NCOA7: variants seen among roughly 807,000 people sequenced by gnomAD.
NCOA7 encodes nuclear receptor coactivator 7, also known as 140 kDa estrogen receptor-associated protein.
In NCOA7, 45 loss-of-function variants were observed where a neutral mutation model predicts 104.3. The ratio of observed to expected loss-of-function variants is 0.43; its 90% CI spans 0.34 to 0.55. NCOA7 has a LOEUF of 0.55. Ranked by LOEUF, NCOA7 falls within the 20% of genes least tolerant of loss-of-function variation. The pLI is 0.02. For synonymous variants in NCOA7, 398 were observed against 402.3 expected, an observed-to-expected ratio of 0.99 and a Z score of 0.13; for missense variants, 1,041 against 1,119.7, an observed-to-expected ratio of 0.93 and a Z score of 1.00.
chr6:125,921,960 A>T (rs1787625099), intron 12 of NCOA7, among the ~76,000 whole-genome samples: 1 of 152,170 alleles, frequency 6.6e-6, no homozygotes, highest in Non-Finnish European at 1.5e-5. Flanking sequence ...AATTTTAGAG[A>T]CCTTAAATAA....
chr6:125,912,899 GT>G (rs1403933480), intron 10 of NCOA7, among the ~76,000 whole-genome samples: 5 of 152,272 alleles, frequency 3.3e-5, no homozygotes, highest in African/African-American at 4.8e-5. Context: ...GGGGCTTGGG[GT>G]AGACAGGGAT....
At chr6:125,805,244 C>T (rs1255405444) in intron 1 of NCOA7, among the ~76,000 whole-genome samples, 1 of 151,666 alleles carries the variant, frequency 6.6e-6, no homozygotes, top group Non-Finnish European at 1.5e-5. Context: ...TACAGGAATG[C>T]GCCATCATGC....
At chr6:125,786,192 T>G (rs1774455156), upstream of NCOA7, 1 of 152,176 alleles carries the variant, frequency 6.6e-6, no homozygotes, top group Non-Finnish European at 1.5e-5. Context: ...TTGCCTCCTG[T>G]GTCCCAACCG....
rs1031747854 is a variant in NCOA7 at position 125,795,382 on chromosome 6, C to T, written c.-65+4315C>T. On this transcript the variant is annotated intron_variant, in intron 1 of 15. Coordinates refer to ENST00000392477, the MANE Select transcript of NCOA7 (RefSeq NM_181782.5). ...TAGTATCCTCATGGTTCAAAAGGTA[C>T]GCATGGCTCTAGAGTGAAAGTACTC... Among the ~76,000 whole-genome samples, 5 of 152,110 alleles carry T rather than the reference C, an allele frequency of 3.3e-5. No individual in the cohort carries two copies. The East Asian group carries it at 5.8e-4, about 18-fold the overall frequency.
chr6:125,900,047 T>G (rs779397250), intron 10 of NCOA7: 1 of 533,004 alleles, frequency 1.9e-6, no homozygotes, highest in African/African-American at 1.9e-5. Flanking sequence ...CAGTAATGAT[T>G]GCAAACCTAA....
Position 125,814,394 on chromosome 6 carries a change from G to T in NCOA7, c.-64-897G>T, listed in dbSNP as rs536019461. On this transcript the variant is annotated intron_variant, in intron 1 of 15. Transcript: ENST00000392477. ...CGGTCTCAAACTACCAATCTCAAGT[G>T]TTCTGCCTGCCTCGGCCTCCCAAAG... 5.9e-5 allele frequency among the ~76,000 whole-genome samples: 9 copies of T among 152,324 alleles called. No homozygotes were observed. The South Asian group carries it at 1.9e-3, about 32-fold the overall frequency.
rs143794452 is a variant in NCOA7, at chr6:125,894,822, A to T, written c.2096+4012A>T. Among the ~76,000 whole-genome samples, 12 of 152,206 alleles carry T rather than the reference A, an allele frequency of 7.9e-5. No individual in the cohort carries two copies. In the East Asian group the frequency reaches 2.3e-3, roughly 29 times the overall value. On this transcript the variant is annotated intron_variant, in intron 10 of 15. Transcript: ENST00000392477. ...GGGTTAAAATATTTAAAAATTTAAA[A>T]ATGTAGATGATTGTAAGCATTAAGT...
upstream of NCOA7, among the ~76,000 whole-genome samples, chr6:125,788,019 G>A (rs1465262249): frequency 6.6e-6 from 1 of 152,184 alleles, no homozygotes; most frequent in Non-Finnish European, 1.5e-5. Flanking sequence ...TCTGAAGCCA[G>A]AGCCTGAATT....
At chr6:125,813,320 C>T (rs973767813) in intron 1 of NCOA7, among the ~76,000 whole-genome samples, 6 of 152,132 alleles carry the variant, frequency 3.9e-5, no homozygotes, top group Non-Finnish European at 7.3e-5. Context: ...CAAGGCTTTC[C>T]GTGACCCAGA....
intron 13 of NCOA7, 79 bp from the exon 14 acceptor site, chr6:125,927,584 G>A (rs1406224560): frequency 4.8e-6 from 5 of 1,042,876 alleles, no homozygotes; most frequent in Non-Finnish European, 7.5e-6. Flanking sequence ...AGAACATGAT[G>A]TATCAAAAAT....
intron 2 of NCOA7, among the ~76,000 whole-genome samples, chr6:125,824,517 A>G (rs772502470): frequency 6.6e-6 from 1 of 152,224 alleles, no homozygotes; most frequent in Admixed American, 6.5e-5. Context: ...AAAAATAAGC[A>G]CTAAATAATT....
In NCOA7 at chr6:125,890,668, A is replaced by G. The variant is rs1484293301; in HGVS notation, c.1954A>G (p.Ser652Gly). 6.2e-7 allele frequency: 1 copy of G among 1,612,976 alleles called. No individual in the cohort carries two copies. The highest frequency in any genetic ancestry group is 2.2e-5 in the East Asian group (1 of 44,786). The change falls in exon 10 of 16, where the codon AGC becomes GGC. Residue 652 changes from serine to glycine, a missense_variant. Transcript: ENST00000392477. ...TATACTTCCTTCAAAAGAAGAAAAA[A>G]GCAAGACCCCACCCATGTTCCTGTG... ...EDILPSKEEK[S>G]KTPPMFLCIK...
intron 1 of NCOA7, among the ~76,000 whole-genome samples, chr6:125,812,759 C>G (rs756948083): frequency 6.6e-6 from 1 of 152,216 alleles, no homozygotes; most frequent in Non-Finnish European, 1.5e-5. Flanking sequence ...GCTCCCCTGT[C>G]CTACATGCAG....
upstream of NCOA7, among the ~76,000 whole-genome samples, chr6:125,788,800 C>T (rs186271363): frequency 1.4e-3 from 209 of 151,732 alleles, no homozygotes; most frequent in African/African-American, 4.7e-3. Flanking sequence ...CCTCGGCCTC[C>T]CAAAGTGCTG....
In NCOA7 at chr6:125,901,238, A is replaced by C. The variant is rs147740826; in HGVS notation, c.2096+10428A>C. Reference sequence around the variant, plus strand: ...GTATGTTTTTAATGTAATAGCTATTAAATTGTTTAATGGTTCCTGCTTATC... The same window carrying C: ...GTATGTTTTTAATGTAATAGCTATTCAATTGTTTAATGGTTCCTGCTTATC... On this transcript the variant is annotated intron_variant, in intron 10 of 15. Coordinates refer to ENST00000392477, the MANE Select transcript of NCOA7 (RefSeq NM_181782.5). 3.9e-5 allele frequency among the ~76,000 whole-genome samples: 6 copies of C among 152,308 alleles called. No homozygotes were observed. In the East Asian group the frequency reaches 9.6e-4, roughly 24 times the overall value.
rs138600269 is a variant in NCOA7, at chr6:125,921,040, C to T, written c.2342C>T (p.Ala781Val). Reference protein sequence around the residue: ...EVLPVLRPHSALLENMHIEQL... With the variant: ...EVLPVLRPHSVLLENMHIEQL... ...CTGCCTGTCCTACGGCCCCACAGCG[C>T]GCTCCTGGAGAATATGCACATCGAG... The change falls in exon 12 of 16, where the codon GCG (alanine) becomes GTG (valine). Residue 781 changes from alanine to valine, a missense_variant. Ala to Val is a moderately conservative substitution (Grantham distance 64). Around this residue, in one of 2 missense-constraint regions of NCOA7, gnomAD observed 914 missense variants for 942.7 expected, o/e 0.97. Transcript: ENST00000392477. The T allele has an allele frequency of 4.5e-5, 72 of 1,613,518 alleles. No individual in the cohort carries two copies. In the African/African-American group the frequency reaches 4.8e-4, roughly 11 times the overall value.
intron 7 of NCOA7, among the ~76,000 whole-genome samples, chr6:125,884,439 T>C (rs1010108469): frequency 6.6e-6 from 1 of 152,208 alleles, no homozygotes; most frequent in African/African-American, 2.4e-5. Flanking sequence ...CCAAAATAAA[T>C]TATTTGCCTA....
intron 11 of NCOA7, among the ~76,000 whole-genome samples, chr6:125,916,891 CT>C (rs1787133719): frequency 6.6e-6 from 1 of 152,152 alleles, no homozygotes; most frequent in Non-Finnish European, 1.5e-5. Flanking sequence ...TCTGTAGTTG[CT>C]TTTTTGATGT....
chr6:125,800,296 G>A (rs1775769486), intron 1 of NCOA7, among the ~76,000 whole-genome samples: 1 of 152,186 alleles, frequency 6.6e-6, no homozygotes, highest in Admixed American at 6.5e-5. Context: ...TAGACTGGTG[G>A]TTTCTAAAGT....
Sources: allele counts gnomAD v4.1 joint callset (sites outside exome capture counted in the v4.1 genomes callset), GRCh38; gene constraint gnomAD v4.1.1; regional missense constraint gnomAD v4.1.1; transcripts MANE v1.5; gene names NCBI Gene and HGNC (gene_info 2026-07-23, HGNC 2026-07-21).